Variants in CSGALNACT1 observed in about 807,000 individuals in gnomAD.
CSGALNACT1 encodes beta4GalNAcT-1.
In CSGALNACT1, 52 loss-of-function variants were observed where a neutral mutation model predicts 51.0. The observed-to-expected ratio is 1.02, with a 90% confidence interval of 0.82 to 1.29. The LOEUF (loss-of-function observed/expected upper bound fraction) is 1.29. Ranked by LOEUF, CSGALNACT1 falls within the 50% of genes most tolerant of loss-of-function variation. The pLI, the probability that CSGALNACT1 is intolerant of heterozygous loss-of-function variation, is 0.00. For synonymous variants in CSGALNACT1, 341 were observed against 254.4 expected, an observed-to-expected ratio of 1.34 and a Z score of -3.24; for missense variants, 935 against 679.2, an observed-to-expected ratio of 1.38 and a Z score of -4.19.
intron 3 of CSGALNACT1, among the ~76,000 whole-genome samples, chr8:19,527,013 C>G (rs1382947565): frequency 6.6e-6 from 1 of 152,158 alleles, no homozygotes; most frequent in African/African-American, 2.4e-5. Context: ...TACATATCTA[C>G]CCACCTATCT....
chr8:19,534,206 C>T (rs979632380), intron 3 of CSGALNACT1, among the ~76,000 whole-genome samples: 2 of 152,146 alleles, frequency 1.3e-5, no homozygotes, highest in African/African-American at 4.8e-5. Context: ...AATTCCAGCA[C>T]TTTGGGAGGC....
intron 1 of CSGALNACT1, among the ~76,000 whole-genome samples, chr8:19,612,945 G>GGAAA: frequency 9.6e-5 from 2 of 20,882 alleles, no homozygotes; most frequent in African/African-American, 6.0e-4. Flanking sequence ...AAAAGCAGCT[G>GGAAA]GAAAAAAAAA....
chr8:19,587,915 C>T (rs1329206626), intron 3 of CSGALNACT1: 1 of 152,116 alleles, frequency 6.6e-6, no homozygotes, highest in Non-Finnish European at 1.5e-5. Context: ...AACAGTCCAG[C>T]AATGGTGGCT....
intron 3 of CSGALNACT1, among the ~76,000 whole-genome samples, chr8:19,559,235 T>C (rs1375522216): frequency 1.3e-5 from 2 of 152,188 alleles, no homozygotes; most frequent in Non-Finnish European, 2.9e-5. Flanking sequence ...ACCAAGTTGA[T>C]TATAATTTTT....
At chr8:19,652,346 G>A (rs2057890126) in intron 1 of CSGALNACT1, among the ~76,000 whole-genome samples, 1 of 152,120 alleles carries the variant, frequency 6.6e-6, no homozygotes, top group Admixed American at 6.5e-5. Context: ...ATCAAGGAGG[G>A]GGAGTTGATA....
chr8:19,685,321 C>A (rs369536555), upstream of CSGALNACT1, among the ~76,000 whole-genome samples: 3 of 152,256 alleles, frequency 2.0e-5, no homozygotes, highest in African/African-American at 4.8e-5. Context: ...CCAGTCTGGG[C>A]AACATGGCAA....
chr8:19,476,573 CG>C (rs1311700927), intron 4 of CSGALNACT1, among the ~76,000 whole-genome samples: 1 of 152,056 alleles, frequency 6.6e-6, no homozygotes, highest in Non-Finnish European at 1.5e-5. Context: ...TCAGTCATGA[CG>C]CCCAAATTCT....
upstream of CSGALNACT1, chr8:19,682,802 G>A (rs573107674): frequency 7.8e-4 from 352 of 452,228 alleles, 2 homozygotes; most frequent in Middle Eastern, 5.6e-3. Context: ...CAGCCTTTCC[G>A]GCCAGCACAG....
At chr8:19,405,716 G>A (rs751422094) in exon 10 of CSGALNACT1, 2 of 1,599,448 alleles carry the variant, frequency 1.3e-6, no homozygotes, top group Non-Finnish European at 1.7e-6. Context: ...TTTCTCTGTT[G>A]CAGCCACTTT....
chr8:19,564,595 C>T (rs1038911727), intron 3 of CSGALNACT1, among the ~76,000 whole-genome samples: 4 of 152,078 alleles, frequency 2.6e-5, no homozygotes, highest in African/African-American at 7.2e-5. Context: ...CCTGGAAGAG[C>T]GGCCCTATAT....
chr8:19,615,324 C>A (rs542830926), intron 1 of CSGALNACT1, among the ~76,000 whole-genome samples: 1 of 152,134 alleles, frequency 6.6e-6, no homozygotes, highest in Non-Finnish European at 1.5e-5. Flanking sequence ...TGATAAATAA[C>A]GATTTCCATC....
intron 6 of CSGALNACT1, among the ~76,000 whole-genome samples, chr8:19,423,524 G>A (rs952700985): frequency 4.6e-5 from 7 of 152,172 alleles, no homozygotes; most frequent in Admixed American, 6.5e-5. Flanking sequence ...GCTAATAAAT[G>A]CTGTTCTCTC....
intron 3 of CSGALNACT1, among the ~76,000 whole-genome samples, chr8:19,569,895 T>A (rs1218941812): frequency 6.6e-6 from 1 of 152,192 alleles, no homozygotes; most frequent in Admixed American, 6.5e-5. Flanking sequence ...TACTGCTACA[T>A]GCAGCCATAC....
At chr8:19,477,524 T>C (rs1055805210) in intron 4 of CSGALNACT1, among the ~76,000 whole-genome samples, 2 of 152,220 alleles carry the variant, frequency 1.3e-5, no homozygotes, top group Non-Finnish European at 2.9e-5. Context: ...CTTCTTGGCA[T>C]ACTCTCTAAT....
rs377100659 is a variant in CSGALNACT1, at chr8:19,455,839, G to T, written c.851+2587C>A. ...TGCATTTGCAGCTTCTGCTATTAGT[G>T]AAAGTAGGCACCGCATCTTCAATTC... On this transcript the variant is annotated intron_variant, in intron 5 of 9. Transcript: ENST00000454498. Among the ~76,000 whole-genome samples, 20 of 152,312 alleles carry T rather than the reference G, an allele frequency of 1.3e-4. No homozygotes were observed. The South Asian group carries it at 3.9e-3, about 30-fold the overall frequency.
rs375376435 is a variant in CSGALNACT1 at position 19,535,282 on chromosome 8, T to A, written c.-296-29152A>T. On this transcript the variant is annotated intron_variant, in intron 3 of 9. Coordinates refer to ENST00000454498, the Ensembl canonical transcript of CSGALNACT1. ...TAGAAGCCTGAAAATTTCAGCGTGT[T>A]CTTCTAGCACCTCAAAGAAGGATTC... Among the ~76,000 whole-genome samples the A allele has an allele frequency of 1.7e-4, 26 of 152,326 alleles. No individual in the cohort carries two copies. In the East Asian group the frequency reaches 4.6e-3, roughly 27 times the overall value.
intron 4 of CSGALNACT1, among the ~76,000 whole-genome samples, chr8:19,490,745 A>C (rs2074191764): frequency 6.6e-6 from 1 of 152,104 alleles, no homozygotes; most frequent in African/African-American, 2.4e-5. Flanking sequence ...CTCCTTCCCC[A>C]AAAAACCCTC....
chr8:19,496,833 G>A (rs1263456541), intron 4 of CSGALNACT1, among the ~76,000 whole-genome samples: 1 of 152,176 alleles, frequency 6.6e-6, no homozygotes, highest in Non-Finnish European at 1.5e-5. Context: ...AAGAAGTGGA[G>A]CTTCCTTTCG....
chr8:19,542,051 T>A (rs1003421736), intron 3 of CSGALNACT1, among the ~76,000 whole-genome samples: 2 of 152,146 alleles, frequency 1.3e-5, no homozygotes, highest in Non-Finnish European at 2.9e-5. Context: ...TAAAAAATAT[T>A]CTCTAACCAA....
Sources: allele counts gnomAD v4.1 joint callset (sites outside exome capture counted in the v4.1 genomes callset), GRCh38; gene constraint gnomAD v4.1.1; transcripts MANE v1.5; gene names NCBI Gene and HGNC (gene_info 2026-07-23, HGNC 2026-07-21).